The following GALNT12 variants were observed in gnomAD, a reference collection of about 807,000 sequenced individuals.
The protein encoded by GALNT12 is UDP-GalNAc:polypeptide N-acetylgalactosaminyltransferase 12.
In GALNT12, 45 loss-of-function variants were observed where a neutral mutation model predicts 55.5. The observed-to-expected ratio is 0.81, with a 90% confidence interval of 0.64 to 1.04. GALNT12 has a LOEUF of 1.04. GALNT12 is among the 50% of genes least tolerant of loss of function. The pLI is 0.00. For synonymous variants in GALNT12, 304 were observed against 312.2 expected (o/e 0.97, Z 0.28); for missense variants, 709 against 754.8 (o/e 0.94, Z 0.71).
In GALNT12 at chr9:98,823,131, G is replaced by A. The variant is rs1699065269; in HGVS notation, c.372-125G>A. ...TCCTAGTGCCACAAGGGGAGCTCTG[G>A]AAGATCCTTCAGTGGATTATGTCCC... On this transcript the variant is annotated intron_variant, in intron 1 of 9. Coordinates refer to ENST00000375011, the MANE Select transcript of GALNT12 (RefSeq NM_024642.5). 27 of 889,244 alleles carry A rather than the reference G, an allele frequency of 3.0e-5. No individual in the cohort carries two copies. In the South Asian group the frequency reaches 3.5e-4, roughly 12 times the overall value. The allele number at this position is 889,244 out of a possible 1,614,324, so 55.1% of individuals were successfully genotyped here. A position where few individuals can be genotyped will look rare whatever the true frequency, so the allele number is the denominator to read the frequency against.
Position 98,840,036 on chromosome 9 carries a change from T to G in GALNT12, c.1247T>G (p.Leu416Arg). 1 of 1,614,168 alleles carries G rather than the reference T, an allele frequency of 6.2e-7. No individual in the cohort carries two copies. Among genetic ancestry groups the G allele is most frequent in the East Asian group, 2.2e-5 (1 of 44,884 alleles). Residue 416 changes from leucine to arginine, a missense_variant, in exon 7 of 10, where the codon CTC (leucine) becomes CGC (arginine). Leu to Arg is a moderately radical substitution (Grantham distance 102, BLOSUM62 -2). Around this residue, in one of 5 missense-constraint regions of GALNT12, gnomAD observed 262 missense variants for 310.7 expected, o/e 0.84. Coordinates refer to ENST00000375011, the MANE Select transcript of GALNT12 (RefSeq NM_024642.5). ...GGGGATGTGACAGAGAGGAAGCAGCTCCGGGACAAGCTCCAGTGTAAAGAC... is the reference window on the plus strand; with the variant it reads ...GGGGATGTGACAGAGAGGAAGCAGCGCCGGGACAAGCTCCAGTGTAAAGAC... Reference protein sequence around the residue: ...PFGDVTERKQLRDKLQCKDFK... With the variant: ...PFGDVTERKQRRDKLQCKDFK...
chr9:98,808,044 C>G lies in GALNT12; in HGVS notation c.346C>G (p.Arg116Gly). ...CAGCGACCGCATCTCACTGCACCGC[C>G]GCCTGCCCGAGCGCTGGAACCCGCT... ...YLSDRISLHR[R>G]LPERWNPLCK... Residue 116 changes from arginine to glycine, a missense_variant, in exon 1 of 10, where the codon CGC becomes GGC. By Grantham distance (125) the Arg-to-Gly change is moderately radical (BLOSUM62 -2). Coordinates refer to ENST00000375011, the MANE Select transcript of GALNT12 (RefSeq NM_024642.5). 6.3e-7 allele frequency: 1 copy of G among 1,581,162 alleles called. No individual in the cohort carries two copies. The highest frequency in any genetic ancestry group is 8.6e-7 in the Non-Finnish European group (1 of 1,166,798).
chr9:98,816,504 A>C (rs2118309727), intron 1 of GALNT12, among the ~76,000 whole-genome samples: 1 of 152,236 alleles, frequency 6.6e-6, no homozygotes, highest in African/African-American at 2.4e-5. Context: ...CCTCACTTTG[A>C]AAACCTCACT....
At chr9:98,839,815 C>G (rs753512568) in intron 6 of GALNT12, among the ~76,000 whole-genome samples, 187 bp from the exon 7 acceptor site, 2 of 152,216 alleles carry the variant, frequency 1.3e-5, no homozygotes, top group Non-Finnish European at 2.9e-5. Flanking sequence ...GTGACAGCCT[C>G]TCATACTAGA....
intron 1 of GALNT12, among the ~76,000 whole-genome samples, chr9:98,816,007 G>A (rs551894146): frequency 1.6e-4 from 25 of 152,206 alleles, no homozygotes; most frequent in African/African-American, 3.9e-4. Context: ...TCAACAAAGG[G>A]TACTGTTATT....
intron 3 of GALNT12, among the ~76,000 whole-genome samples, chr9:98,829,984 G>T (rs1424957780): frequency 6.6e-6 from 1 of 152,226 alleles, no homozygotes; most frequent in Non-Finnish European, 1.5e-5. Context: ...TTTTGGATAT[G>T]TACGTAGGAG....
At chr9:98,828,056 C>A (rs755474396) in intron 3 of GALNT12, among the ~76,000 whole-genome samples, 11 of 152,170 alleles carry the variant, frequency 7.2e-5, no homozygotes, top group Non-Finnish European at 1.0e-4. Context: ...CAGAAGCTCC[C>A]CAGGTGGGAG....
intron 9 of GALNT12, among the ~76,000 whole-genome samples, chr9:98,847,795 G>C (rs964348353): frequency 2.7e-5 from 4 of 146,164 alleles, no homozygotes; most frequent in Non-Finnish European, 4.5e-5. Flanking sequence ...AGAAAGCTTA[G>C]TTCTTAGGGC....
chr9:98,845,358 A>G (rs1283962987), intron 8 of GALNT12, among the ~76,000 whole-genome samples: 1 of 152,132 alleles, frequency 6.6e-6, no homozygotes, highest in Non-Finnish European at 1.5e-5. Flanking sequence ...CAGAAAATGC[A>G]GCTTCCTAGG....
intron 2 of GALNT12, among the ~76,000 whole-genome samples, 175 bp downstream of exon 2, chr9:98,823,600 T>C (rs575418819): frequency 3.2e-4 from 49 of 152,298 alleles, no homozygotes; most frequent in African/African-American, 9.9e-4. Flanking sequence ...CGTGGGAAAC[T>C]GGAAGGAGCA....
Position 98,849,009 on chromosome 9 carries a change from T to G in GALNT12, c.1663T>G (p.Ser555Ala), listed in dbSNP as rs1836485664. Residue 555 changes from serine (S) to alanine (A), a missense_variant, in exon 10 of 10, where the codon TCG becomes GCG. By Grantham distance (99) the Ser-to-Ala change is moderately conservative. Transcript: ENST00000375011. ...ATGTGTCCAGGCTGCGAGGAAGGAG[T>G]CGAGTGACAGTTTCGTTCCACTCTT... ...KKCVQAARKE[S>A]SDSFVPLLRD... The G allele has an allele frequency of 6.2e-7, 1 of 1,613,892 alleles. No homozygotes were observed.
rs749874941 is a variant in GALNT12, at chr9:98,849,049, A to G, written c.1703A>G (p.Asn568Ser). ...SFVPLLRDCT[N>S]SDHQKWFFKE... The stretch of plus-strand genomic sequence containing the variant: ...GTTCCACTCTTACGAGACTGCACCA[A>G]CTCGGATCATCAGAAATGGTTCTTC... Residue 568 changes from asparagine to serine, a missense_variant, in exon 10 of 10, where the codon AAC (asparagine) becomes AGC (serine). Physicochemically the swap from Asn to Ser is conservative, Grantham distance 46. Around this residue, in one of 5 missense-constraint regions of GALNT12, gnomAD observed 262 missense variants for 310.7 expected, o/e 0.84. Transcript: ENST00000375011. 2.5e-5 allele frequency: 41 copies of G among 1,614,074 alleles called. No individual in the cohort carries two copies. Among genetic ancestry groups the G allele is most frequent in the Non-Finnish European group, 3.4e-5 (40 of 1,180,018 alleles).
At chr9:98,817,028 T>G (rs992850417) in intron 1 of GALNT12, among the ~76,000 whole-genome samples, 2 of 151,954 alleles carry the variant, frequency 1.3e-5, no homozygotes, top group Non-Finnish European at 2.9e-5. Flanking sequence ...GGGTTTCACC[T>G]TGTTAGCCAG....
chr9:98,813,158 AG>A (rs1169077045), intron 1 of GALNT12, among the ~76,000 whole-genome samples: 2 of 152,222 alleles, frequency 1.3e-5, no homozygotes, highest in Non-Finnish European at 2.9e-5. Context: ...GTCTATTGTT[AG>A]TCCTCAGTTT....
intron 3 of GALNT12, 134 bp from the exon 4 acceptor site, chr9:98,831,638 A>G (rs1026774289): frequency 9.6e-6 from 10 of 1,040,510 alleles, no homozygotes; most frequent in South Asian, 2.7e-5. Context: ...ACCTGGAATA[A>G]GAGAAGCAGG....
chr9:98,831,984 G>A lies in GALNT12; in HGVS notation c.917+27G>A, dbSNP rs762498824. The A allele has an allele frequency of 1.9e-6, 3 of 1,597,302 alleles. No individual in the cohort carries two copies. In the East Asian group the frequency reaches 6.7e-5, roughly 36 times the overall value. On this transcript the variant is annotated intron_variant, in intron 4 of 9. Transcript: ENST00000375011. ...TCAGGAGCTGACTTCTGGGTGACTTGTTTTTTAAGCATGCCTCATTGAATC... is the reference window on the plus strand; with the variant it reads ...TCAGGAGCTGACTTCTGGGTGACTTATTTTTTAAGCATGCCTCATTGAATC...
intron 6 of GALNT12, among the ~76,000 whole-genome samples, chr9:98,837,439 A>C (rs1836182299): frequency 6.6e-6 from 1 of 152,226 alleles, no homozygotes; most frequent in South Asian, 2.1e-4. Flanking sequence ...CTTGGGGCAC[A>C]GTTTTGTCAG....
chr9:98,825,551 A>T (rs1192079083), intron 2 of GALNT12, among the ~76,000 whole-genome samples: 1 of 152,214 alleles, frequency 6.6e-6, no homozygotes, highest in Non-Finnish European at 1.5e-5. Context: ...TGCTGACAAG[A>T]TCCATCACGA....
rs148005197 is a variant in GALNT12 at position 98,826,191 on chromosome 9, T to G, written c.542-561T>G. Among the ~76,000 whole-genome samples, 400 of 152,198 alleles carry G rather than the reference T, an allele frequency of 2.6e-3. 2 individuals carry two copies. The highest frequency in any genetic ancestry group is 8.4e-3 in the African/African-American group (350 of 41,510). ...CATCTGTGAAATAGGGATAATACTA[T>G]CACCTGCCTCAGAGGATTGTTATGA... On this transcript the variant is annotated intron_variant, in intron 2 of 9. Coordinates refer to ENST00000375011, the MANE Select transcript of GALNT12 (RefSeq NM_024642.5).
Sources: allele counts gnomAD v4.1 joint callset (sites outside exome capture counted in the v4.1 genomes callset), GRCh38; gene constraint gnomAD v4.1.1; regional missense constraint gnomAD v4.1.1; transcripts MANE v1.5; gene names NCBI Gene and HGNC (gene_info 2026-07-23, HGNC 2026-07-21).